Variants in HDAC9 observed in about 807,000 individuals in gnomAD.
HDAC9 encodes MEF-2 interacting transcription repressor (MITR) protein.
In HDAC9, 41 loss-of-function variants were observed where a neutral mutation model predicts 139.4. The ratio of observed to expected loss-of-function variants is 0.29; its 90% CI spans 0.23 to 0.38. The LOEUF is 0.38. Among genes scored for constraint, HDAC9 ranks in the 10% least tolerant of loss-of-function variants. The probability of loss-of-function intolerance (pLI) is 1.00; values close to 1 mark genes in which losing one functional copy is unlikely to be tolerated. For missense variants in HDAC9, 1,147 were observed against 1,297.0 expected (o/e 0.88, Z 1.78); for synonymous variants, 517 against 476.2 (o/e 1.09, Z -1.12).
intron 8 of HDAC9, among the ~76,000 whole-genome samples, chr7:18,636,379 G>A (rs1397157125): frequency 6.6e-6 from 1 of 151,992 alleles, no homozygotes; most frequent in Non-Finnish European, 1.5e-5. Flanking sequence ...TAGTCCTTGT[G>A]TAGATCTGTA....
intron 2 of HDAC9, among the ~76,000 whole-genome samples, chr7:18,181,633 C>T (rs541149618): frequency 6.6e-6 from 1 of 152,172 alleles, no homozygotes; most frequent in African/African-American, 2.4e-5. Flanking sequence ...AGACCTCCAC[C>T]ACAATTATAC....
intron 14 of HDAC9, among the ~76,000 whole-genome samples, chr7:18,756,335 A>G (rs192153167): frequency 3.5e-4 from 54 of 152,344 alleles, no homozygotes; most frequent in African/African-American, 1.3e-3. Context: ...CATAATTTTC[A>G]AAAATTATTA....
At chr7:18,269,089 G>A (rs1022169075) in intron 2 of HDAC9, among the ~76,000 whole-genome samples, 3 of 152,268 alleles carry the variant, frequency 2.0e-5, no homozygotes, top group Non-Finnish European at 4.4e-5. Context: ...GGGTTAATAA[G>A]TGGGTCTATC....
At chr7:18,748,074 A>T (rs1160472781) in intron 13 of HDAC9, among the ~76,000 whole-genome samples, 2 of 152,170 alleles carry the variant, frequency 1.3e-5, no homozygotes, top group African/African-American at 4.8e-5. Context: ...ATAATTTCTT[A>T]TGTCAGGCAA....
chr7:18,110,994 T>G (rs890657134), intron 1 of HDAC9, among the ~76,000 whole-genome samples: 23 of 152,144 alleles, frequency 1.5e-4, no homozygotes, highest in African/African-American at 5.3e-4. Context: ...TGAGTTGTAT[T>G]CTGTATTTGT....
chr7:18,519,141 T>G (rs1223515948), intron 2 of HDAC9, among the ~76,000 whole-genome samples: 1 of 152,224 alleles, frequency 6.6e-6, no homozygotes, highest in African/African-American at 2.4e-5. Flanking sequence ...AAATATAGTT[T>G]AGACATTGTG....
At chr7:18,462,208 C>A (rs925618720) in intron 1 of HDAC9, among the ~76,000 whole-genome samples, 2 of 151,912 alleles carry the variant, frequency 1.3e-5, no homozygotes, top group African/African-American at 4.8e-5. Flanking sequence ...TCACAGTCAC[C>A]CGCCAGTATT....
At chr7:18,684,447 C>T (rs1562849791) in intron 12 of HDAC9, among the ~76,000 whole-genome samples, 3 of 150,014 alleles carry the variant, frequency 2.0e-5, no homozygotes, top group Non-Finnish European at 4.4e-5. Flanking sequence ...CAAGACCAAC[C>T]TGAGGTGCAA....
intron 1 of HDAC9, among the ~76,000 whole-genome samples, chr7:18,367,914 G>C (rs768624135): frequency 4.6e-5 from 7 of 152,050 alleles, no homozygotes; most frequent in Non-Finnish European, 1.0e-4. Flanking sequence ...TTCCTGATTA[G>C]CATGAGGTTG....
chr7:18,640,357 TAAAAAAAAAA>T (rs56655676), intron 8 of HDAC9, among the ~76,000 whole-genome samples: 28 of 66,080 alleles, frequency 4.2e-4, no homozygotes, highest in African/African-American at 1.2e-3. Flanking sequence ...GATCCTGTCT[TAAAAAAAAAA>T]AAAAAAAAAA....
intron 23 of HDAC9, among the ~76,000 whole-genome samples, chr7:18,948,643 C>T (rs973312684): frequency 2.0e-5 from 3 of 152,080 alleles, no homozygotes; most frequent in African/African-American, 7.2e-5. Flanking sequence ...CCACCATTTC[C>T]GTGTCTGACC....
chr7:18,314,198 A>G (rs995754699), intron 1 of HDAC9, among the ~76,000 whole-genome samples: 2 of 152,122 alleles, frequency 1.3e-5, no homozygotes, highest in Admixed American at 1.3e-4. Flanking sequence ...GAAGGGAGGG[A>G]TATGTGGGTG....
At chr7:18,313,652 G>C (rs1362101384) in intron 1 of HDAC9, among the ~76,000 whole-genome samples, 1 of 152,140 alleles carries the variant, frequency 6.6e-6, no homozygotes, top group African/African-American at 2.4e-5. Context: ...TGTGTTAGGT[G>C]AAAATTATTG....
chr7:18,784,099 A>G (rs546236421), intron 16 of HDAC9, among the ~76,000 whole-genome samples: 3 of 149,656 alleles, frequency 2.0e-5, no homozygotes, highest in East Asian at 3.9e-4. Flanking sequence ...TACCCCTTCT[A>G]TATTCGAGTC....
At chr7:18,875,307 CA>C (rs1799238486) in intron 22 of HDAC9, among the ~76,000 whole-genome samples, 1 of 151,844 alleles carries the variant, frequency 6.6e-6, no homozygotes, top group Non-Finnish European at 1.5e-5. Flanking sequence ...ACATTGGCAC[CA>C]GGGGTATCTA....
At chr7:18,859,145 A>C (rs573807422) in intron 21 of HDAC9, among the ~76,000 whole-genome samples, 1 of 152,232 alleles carries the variant, frequency 6.6e-6, no homozygotes, top group South Asian at 2.1e-4. Flanking sequence ...ATTGGGATCA[A>C]AGTACATAAT....
chr7:18,273,021 T>A (rs1302315313), intron 2 of HDAC9, among the ~76,000 whole-genome samples: 1 of 144,758 alleles, frequency 6.9e-6, no homozygotes, highest in African/African-American at 2.6e-5. Context: ...TTCCTCCTCC[T>A]CCTCCTCTTC....
At chr7:18,805,315 G>C (rs1367571554) in intron 17 of HDAC9, among the ~76,000 whole-genome samples, 1 of 152,166 alleles carries the variant, frequency 6.6e-6, no homozygotes, top group Admixed American at 6.5e-5. Flanking sequence ...TTACCAGAGT[G>C]GGGTAGGACG....
intron 2 of HDAC9, among the ~76,000 whole-genome samples, chr7:18,563,256 G>A (rs894381673): frequency 3.3e-5 from 5 of 151,942 alleles, no homozygotes; most frequent in Admixed American, 6.6e-5. Flanking sequence ...TTTTAAAAAC[G>A]GATTTCTACT....
Sources: allele counts gnomAD v4.1 joint callset (sites outside exome capture counted in the v4.1 genomes callset), GRCh38; gene constraint gnomAD v4.1.1; transcripts MANE v1.5; gene names NCBI Gene and HGNC (gene_info 2026-07-23, HGNC 2026-07-21).